The following CCDC171 variants were observed in gnomAD, a reference collection of about 807,000 sequenced individuals.
CCDC171 encodes coiled-coil domain-containing protein 171.
Under a neutral mutation model 168.2 loss-of-function variants are expected in CCDC171, and 177 were observed. The ratio of observed to expected loss-of-function variants is 1.05; its 90% CI spans 0.93 to 1.19. The LOEUF is 1.19. CCDC171 is among the 50% of genes most tolerant of loss of function. CCDC171 has a pLI of 0.00. For synonymous variants in CCDC171, 687 were observed against 540.8 expected, an observed-to-expected ratio of 1.27 and a Z score of -3.75; for missense variants, 1,991 against 1,539.0, an observed-to-expected ratio of 1.29 and a Z score of -4.91.
At chr9:16,054,830 C>T (rs1257222313) in intron 1 of CCDC171, among the ~76,000 whole-genome samples, 1 of 152,154 alleles carries the variant, frequency 6.6e-6, no homozygotes, top group East Asian at 1.9e-4. Flanking sequence ...GACACTAGTC[C>T]TTCAGGCACT....
At chr9:15,956,985 G>A (rs1589244489) in intron 25 of CCDC171, among the ~76,000 whole-genome samples, 1 of 150,678 alleles carries the variant, frequency 6.6e-6, no homozygotes, top group Non-Finnish European at 1.5e-5. Flanking sequence ...TCTCAGTAGG[G>A]CCGAAAGAAC....
intron 18 of CCDC171, among the ~76,000 whole-genome samples, chr9:15,763,697 G>A (rs2056573473): frequency 6.6e-6 from 1 of 152,236 alleles, no homozygotes; most frequent in Admixed American, 6.5e-5. Flanking sequence ...GGATTCATCT[G>A]CTCAGCATAA....
In CCDC171 at chr9:15,954,323, T is replaced by A. The variant is rs371384585; in HGVS notation, c.3754-17286T>A. On this transcript the variant is annotated intron_variant, in intron 25 of 25. Transcript: ENST00000380701. ...AATGTAAGCATTTATAGCTATAAAT[T>A]TCCCCCTTAGCACTGCTTCCACTGC... Among the ~76,000 whole-genome samples the A allele has an allele frequency of 1.3e-3, 198 of 152,194 alleles. 1 individual carries two copies. The highest frequency in any genetic ancestry group is 4.4e-3 in the African/African-American group (184 of 41,574).
intron 21 of CCDC171, among the ~76,000 whole-genome samples, chr9:15,828,984 G>T (rs567372830): frequency 1.2e-4 from 18 of 152,160 alleles, no homozygotes; most frequent in Non-Finnish European, 2.1e-4. Flanking sequence ...CTAGGAGAAT[G>T]GTGAGTCCAA....
chr9:15,777,869 G>A (rs2057416488), intron 19 of CCDC171, 43 bp downstream of exon 19: 1 of 1,299,924 alleles, frequency 7.7e-7, no homozygotes, highest in African/African-American at 1.5e-5. Context: ...AGAACTTGTA[G>A]GTTTAATTTT....
At chr9:15,861,559 GC>G (rs1330306702) in intron 23 of CCDC171, among the ~76,000 whole-genome samples, 2 of 151,452 alleles carry the variant, frequency 1.3e-5, no homozygotes, top group African/African-American at 2.4e-5. Context: ...TTACCCTGGG[GC>G]TTATATAAAA....
At chr9:15,946,519 C>G (rs200065240) in intron 25 of CCDC171, among the ~76,000 whole-genome samples, 4 of 151,884 alleles carry the variant, frequency 2.6e-5, no homozygotes, top group Non-Finnish European at 4.4e-5. Context: ...CAAAATAAAA[C>G]AGGATACAAA....
At chr9:15,566,815 T>C (rs960610930) in intron 2 of CCDC171, among the ~76,000 whole-genome samples, 10 of 152,192 alleles carry the variant, frequency 6.6e-5, no homozygotes, top group African/African-American at 2.2e-4. Flanking sequence ...TTAGCTCTTA[T>C]ATTTAGTGCT....
intron 18 of CCDC171, among the ~76,000 whole-genome samples, chr9:15,768,065 C>G (rs916000497): frequency 6.7e-6 from 1 of 149,926 alleles, no homozygotes; most frequent in East Asian, 2.0e-4. Flanking sequence ...CTTGTTGTCC[C>G]GAGCAGTCCC....
Position 15,961,518 on chromosome 9 carries a change from G to A in CCDC171, c.3754-10091G>A, listed in dbSNP as rs12685199. ...CAAATTACTCAGTGTCATTATTTGT[G>A]TAGGTGTTTACTCAATGTAAAACTG... On this transcript the variant is annotated intron_variant, in intron 25 of 25. Transcript: ENST00000380701. Among the ~76,000 whole-genome samples the A allele has an allele frequency of 2.5e-4, 38 of 152,264 alleles. No homozygotes were observed. The East Asian group carries it at 6.0e-3, about 24-fold the overall frequency.
At chr9:15,659,381 A>G (rs965007772) in intron 8 of CCDC171, among the ~76,000 whole-genome samples, 1 of 152,214 alleles carries the variant, frequency 6.6e-6, no homozygotes, top group African/African-American at 2.4e-5. Context: ...TCAGCATTTG[A>G]TAATATGCTT....
At chr9:15,824,784 G>C (rs2136154723) in intron 21 of CCDC171, among the ~76,000 whole-genome samples, 1 of 152,076 alleles carries the variant, frequency 6.6e-6, no homozygotes, top group South Asian at 2.1e-4. Flanking sequence ...ACTTTGATTA[G>C]AATGGTCTCT....
At chr9:15,875,560 G>T (rs1588954405) in intron 24 of CCDC171, 4 of 151,646 alleles carry the variant, frequency 2.6e-5, no homozygotes, top group African/African-American at 9.7e-5. Flanking sequence ...CTATTTTTTA[G>T]TGTATTTAAA....
chr9:15,846,631 A>C, intron 21 of CCDC171, 71 bp from the exon 22 acceptor site: 1 of 1,483,140 alleles, frequency 6.7e-7, no homozygotes, highest in Non-Finnish European at 9.3e-7. Flanking sequence ...TTCTTTGTTT[A>C]ATAGCCTATG....
At chr9:15,776,900 T>C (rs2057356271) in intron 18 of CCDC171, among the ~76,000 whole-genome samples, 1 of 152,210 alleles carries the variant, frequency 6.6e-6, no homozygotes, top group South Asian at 2.1e-4. Context: ...TCATTTTACA[T>C]TGATAGTATC....
At chr9:15,631,066 G>T (rs983704386) in intron 7 of CCDC171, among the ~76,000 whole-genome samples, 5 of 151,992 alleles carry the variant, frequency 3.3e-5, no homozygotes, top group African/African-American at 1.2e-4. Flanking sequence ...ACAAGAGAAA[G>T]CCGGAAAGAT....
At chr9:15,683,325 A>T (rs2050163601) in intron 10 of CCDC171, among the ~76,000 whole-genome samples, 1 of 151,992 alleles carries the variant, frequency 6.6e-6, no homozygotes, top group Non-Finnish European at 1.5e-5. Flanking sequence ...TTTGATGGTT[A>T]TGCTTTGTGG....
rs1331993885 is a variant in CCDC171 at position 15,973,205 on chromosome 9, A to G, written c.*1369A>G. 2.0e-5 allele frequency: 3 copies of G among 152,218 alleles called. No individual in the cohort carries two copies. The highest frequency in any genetic ancestry group is 2.1e-4 in the South Asian group (1 of 4,830). 9.4% of individuals were successfully genotyped at this position (152,218 alleles called of 1,614,324 possible). ...GTGCTATTAACTTCTGATGTGAACT[A>G]TAGCTTTTGACAAAGAGTCTTGATA... On this transcript the variant is annotated 3_prime_UTR_variant, in exon 26 of 26. Coordinates refer to ENST00000380701, the MANE Select transcript of CCDC171 (RefSeq NM_173550.4).
intron 24 of CCDC171, among the ~76,000 whole-genome samples, chr9:15,894,072 C>A (rs191308895): frequency 9.6e-4 from 146 of 152,234 alleles, no homozygotes; most frequent in African/African-American, 3.4e-3. Context: ...GTGGTACATA[C>A]ACACCATGGA....
Sources: allele counts gnomAD v4.1 joint callset (sites outside exome capture counted in the v4.1 genomes callset), GRCh38; gene constraint gnomAD v4.1.1; transcripts MANE v1.5; gene names NCBI Gene and HGNC (gene_info 2026-07-23, HGNC 2026-07-21).